Variants in CAMK4 observed in about 807,000 individuals in gnomAD.
CAMK4 encodes the protein calcium/calmodulin dependent protein kinase IV, also known as calcium/calmodulin-dependent protein kinase type IV.
In CAMK4, 22 loss-of-function variants were observed where a neutral mutation model predicts 44.9. The observed-to-expected ratio is 0.49, with a 90% CI of 0.35 to 0.70. The LOEUF (loss-of-function observed/expected upper bound fraction) is 0.70, where lower values mean the gene tolerates loss of function less well. Among genes scored for constraint, CAMK4 ranks in the 30% least tolerant of loss-of-function variants. The pLI, the probability that CAMK4 is intolerant of heterozygous loss-of-function variation, is 0.01. For synonymous variants in CAMK4, 218 were observed against 215.4 expected (o/e 1.01, Z -0.11); for missense variants, 498 against 586.8 (o/e 0.85, Z 1.56).
At position 111,442,480 on chromosome 5, in the gene CAMK4, G is replaced by T. The variant is rs574820720; in HGVS notation, c.460-4206G>T. Among the ~76,000 whole-genome samples, 85 of 150,964 alleles carry T rather than the reference G, an allele frequency of 5.6e-4. 1 individual carries two copies. The highest frequency in any genetic ancestry group is 8.4e-4 in the Non-Finnish European group (57 of 67,846). On this transcript the variant is annotated intron_variant, in intron 5 of 10. Transcript: ENST00000282356. Reference sequence around the variant, plus strand: ...CCACTGCACTCCAGCCTGGGCGACAGACTGCGTCTCAAAAACAAACAAACA... The same window carrying T: ...CCACTGCACTCCAGCCTGGGCGACATACTGCGTCTCAAAAACAAACAAACA...
At chr5:111,241,027 T>C (rs767723955) in intron 1 of CAMK4, among the ~76,000 whole-genome samples, 1 of 152,150 alleles carries the variant, frequency 6.6e-6, no homozygotes, top group Non-Finnish European at 1.5e-5. Context: ...TTTCACAGGA[T>C]TATTGCAAAG....
intron 5 of CAMK4, among the ~76,000 whole-genome samples, chr5:111,405,072 G>A (rs10045983): frequency 0.36 from 54,269 of 152,050 alleles, 10,747 homozygotes; most frequent in South Asian, 0.5. Context: ...AGTGCACTTA[G>A]TGATTCAAAG....
intron 5 of CAMK4, among the ~76,000 whole-genome samples, chr5:111,408,415 T>A (rs1179341098): frequency 2.0e-5 from 3 of 152,184 alleles, no homozygotes; most frequent in Non-Finnish European, 4.4e-5. Context: ...TCGGATCTTG[T>A]GAGACTTATT....
At chr5:111,310,407 G>T (rs914001981) in intron 1 of CAMK4, among the ~76,000 whole-genome samples, 1 of 152,128 alleles carries the variant, frequency 6.6e-6, no homozygotes, top group Non-Finnish European at 1.5e-5. Flanking sequence ...CAGAAGTTCC[G>T]GCACTAATGA....
At chr5:111,288,693 G>T (rs1018473287) in intron 1 of CAMK4, among the ~76,000 whole-genome samples, 7 of 152,194 alleles carry the variant, frequency 4.6e-5, no homozygotes, top group African/African-American at 1.7e-4. Context: ...AGAACATGGG[G>T]TAGAGAGTAT....
chr5:111,473,269 T>C (rs1554074815), intron 7 of CAMK4, 42 bp from the exon 8 acceptor site: 3 of 1,227,764 alleles, frequency 2.4e-6, no homozygotes. Context: ...ATATAAATAT[T>C]GACTAAGCTC....
At chr5:111,378,841 T>G (rs933168411) in intron 4 of CAMK4, among the ~76,000 whole-genome samples, 4 of 152,134 alleles carry the variant, frequency 2.6e-5, no homozygotes, top group African/African-American at 9.6e-5. Flanking sequence ...TTGAAGTGGC[T>G]TTATGTTGCT....
chr5:111,447,716 G>A (rs571416928), intron 6 of CAMK4, among the ~76,000 whole-genome samples: 2 of 152,244 alleles, frequency 1.3e-5, no homozygotes, highest in South Asian at 2.1e-4. Flanking sequence ...GCTAATCTGC[G>A]AAGTTCACTG....
intron 5 of CAMK4, among the ~76,000 whole-genome samples, chr5:111,442,286 G>C (rs949067074): frequency 6.6e-6 from 1 of 152,140 alleles, no homozygotes; most frequent in African/African-American, 2.4e-5. Context: ...CCGAGATCAG[G>C]GGTTAGAGAC....
chr5:111,363,230 C>T (rs1047205174), intron 2 of CAMK4, among the ~76,000 whole-genome samples: 2 of 152,050 alleles, frequency 1.3e-5, no homozygotes, highest in Admixed American at 1.3e-4. Context: ...TTCTCCACTC[C>T]ACTGGTGTCA....
chr5:111,350,227 A>C (rs1357743947), intron 2 of CAMK4, among the ~76,000 whole-genome samples: 1 of 152,084 alleles, frequency 6.6e-6, no homozygotes, highest in Non-Finnish European at 1.5e-5. Flanking sequence ...CATAGGAAGC[A>C]TGTAATATAC....
intron 5 of CAMK4, among the ~76,000 whole-genome samples, chr5:111,400,812 G>A (rs1209597576): frequency 3.3e-5 from 5 of 152,118 alleles, no homozygotes; most frequent in African/African-American, 9.7e-5. Context: ...AGGTCAGTCT[G>A]GACATTCTGG....
chr5:111,429,896 T>A (rs1287254511), intron 5 of CAMK4, among the ~76,000 whole-genome samples: 2 of 128,784 alleles, frequency 1.6e-5, no homozygotes, highest in Non-Finnish European at 3.2e-5. Context: ...AGAATTAATA[T>A]CAATCCTTCT....
In CAMK4 at chr5:111,386,924, G is replaced by T. The variant is rs575823531; in HGVS notation, c.387-7786G>T. Among the ~76,000 whole-genome samples the T allele has an allele frequency of 5.3e-5, 8 of 152,322 alleles. No individual in the cohort carries two copies. In the South Asian group the frequency reaches 1.5e-3, roughly 28 times the overall value. On this transcript the variant is annotated intron_variant, in intron 4 of 10. Transcript: ENST00000282356. ...GGGCAGCCTTTTGGGTCAGTGTTGT[G>T]ATTAAAATCCTAGAAGACATTTTGT...
intron 4 of CAMK4, among the ~76,000 whole-genome samples, chr5:111,393,513 A>G (rs1751885339): frequency 6.6e-6 from 1 of 152,168 alleles, no homozygotes; most frequent in African/African-American, 2.4e-5. Flanking sequence ...TTAAATACAG[A>G]AAATGTACAT....
chr5:111,443,523 C>T (rs962128058), intron 5 of CAMK4, among the ~76,000 whole-genome samples: 2 of 151,360 alleles, frequency 1.3e-5, no homozygotes, highest in Admixed American at 6.6e-5. Flanking sequence ...TATAGCTCCT[C>T]GTTCTAGTAT....
intron 1 of CAMK4, among the ~76,000 whole-genome samples, chr5:111,246,259 T>G (rs947438720): frequency 6.6e-6 from 1 of 152,222 alleles, no homozygotes; most frequent in Admixed American, 6.5e-5. Context: ...ACTTTTTCTT[T>G]CGCCACTGCC....
At chr5:111,444,167 G>T (rs985645846) in intron 5 of CAMK4, among the ~76,000 whole-genome samples, 1 of 152,160 alleles carries the variant, frequency 6.6e-6, no homozygotes, top group African/African-American at 2.4e-5. Context: ...TAGGCAAGAC[G>T]TATGTGCTCT....
At chr5:111,300,508 GA>G (rs1561395108) in intron 1 of CAMK4, among the ~76,000 whole-genome samples, 1 of 152,006 alleles carries the variant, frequency 6.6e-6, no homozygotes, top group Non-Finnish European at 1.5e-5. Flanking sequence ...TCTTCTCAAA[GA>G]AAAAAATTTA....
Sources: gnomAD v4.1 joint callset for allele counts (sites outside exome capture counted in the v4.1 genomes callset) on GRCh38, gnomAD v4.1.1 for gene constraint, MANE v1.5 for transcripts, NCBI Gene and HGNC (gene_info 2026-07-23, HGNC 2026-07-21) for gene names.